The following SDK1 variants were observed in gnomAD, a reference collection of about 807,000 sequenced individuals.
The protein encoded by SDK1 is sidekick cell adhesion molecule 1.
A neutral mutation model predicts 245.5 loss-of-function variants in SDK1; 157 were observed. The ratio of observed to expected loss-of-function variants is 0.64; its 90% CI spans 0.56 to 0.73. The LOEUF (loss-of-function observed/expected upper bound fraction) is 0.73, where lower values mean the gene tolerates loss of function less well. Among genes scored for constraint, SDK1 ranks in the 30% least tolerant of loss-of-function variants. The pLI is 0.00. For synonymous variants in SDK1, 1,647 were observed against 1,278.5 expected (o/e 1.29, Z -6.15); for missense variants, 3,583 against 3,002.3 (o/e 1.19, Z -4.52).
chr7:4,059,582 A>G (rs1343647740), intron 19 of SDK1, among the ~76,000 whole-genome samples: 1 of 152,220 alleles, frequency 6.6e-6, no homozygotes, highest in Non-Finnish European at 1.5e-5. Flanking sequence ...TGCGCTTTAG[A>G]CTAAATGGAC....
intron 1 of SDK1, among the ~76,000 whole-genome samples, chr7:3,558,484 A>G (rs1779655939): frequency 6.6e-6 from 1 of 152,230 alleles, no homozygotes; most frequent in South Asian, 2.1e-4. Flanking sequence ...GATTAGAATT[A>G]GCCTGGCTTG....
At chr7:3,764,048 G>T (rs1780181145) in intron 4 of SDK1, among the ~76,000 whole-genome samples, 1 of 152,162 alleles carries the variant, frequency 6.6e-6, no homozygotes, top group South Asian at 2.1e-4. Context: ...ATGGGGATTT[G>T]TGGATGGTCT....
At chr7:3,802,716 C>T (rs969189888) in intron 4 of SDK1, among the ~76,000 whole-genome samples, 1 of 152,122 alleles carries the variant, frequency 6.6e-6, no homozygotes, top group South Asian at 2.1e-4. Flanking sequence ...CATTAGGTGA[C>T]CTTTTGGGAT....
chr7:3,977,801 T>G (rs1417963343), intron 13 of SDK1, among the ~76,000 whole-genome samples: 1 of 152,250 alleles, frequency 6.6e-6, no homozygotes, highest in Non-Finnish European at 1.5e-5. Flanking sequence ...GAGTGCCTGA[T>G]GTAGTATTTG....
intron 5 of SDK1, among the ~76,000 whole-genome samples, chr7:3,902,524 C>T (rs1156401643): frequency 2.6e-5 from 4 of 152,092 alleles, no homozygotes; most frequent in Admixed American, 2.6e-4. Flanking sequence ...TCTAAACTTT[C>T]TTGCCTTAAT....
At chr7:4,233,215 A>C (rs1785909352) in intron 40 of SDK1, 40 bp from the exon 41 acceptor site, 1 of 1,585,276 alleles carries the variant, frequency 6.3e-7, no homozygotes, top group East Asian at 2.3e-5. Flanking sequence ...GGGACTTCGC[A>C]CTTCTAACCT....
intron 1 of SDK1, among the ~76,000 whole-genome samples, chr7:3,344,036 A>AC (rs1780427761): frequency 1.3e-5 from 2 of 149,916 alleles, no homozygotes; most frequent in African/African-American, 5.0e-5. Context: ...AAAAAAAAAA[A>AC]CTAGAAATGC....
At chr7:4,085,060 C>A (rs904453709) in intron 22 of SDK1, among the ~76,000 whole-genome samples, 4 of 152,126 alleles carry the variant, frequency 2.6e-5, no homozygotes, top group African/African-American at 7.2e-5. Flanking sequence ...CCACTGCGCC[C>A]AGCCTAAATG....
chr7:4,194,352 A>ACATATATGTATACATGTATATATATG (rs1783438540), intron 35 of SDK1, among the ~76,000 whole-genome samples: 1 of 123,390 alleles, frequency 8.1e-6, no homozygotes, highest in East Asian at 2.1e-4. Flanking sequence ...GTATAGATAT[A>ACATATATGTATACATGTATATATATG]TGTATGCACG....
intron 1 of SDK1, among the ~76,000 whole-genome samples, chr7:3,506,197 G>T (rs1443483401): frequency 6.6e-6 from 1 of 151,736 alleles, no homozygotes. Flanking sequence ...GATTTTGTTT[G>T]CTTGAAAAAA....
At chr7:3,952,650 A>C (rs927352302) in intron 7 of SDK1, among the ~76,000 whole-genome samples, 3 of 152,030 alleles carry the variant, frequency 2.0e-5, no homozygotes, top group African/African-American at 7.2e-5. Context: ...TTTTTGACCT[A>C]GCAGAAAATG....
intron 24 of SDK1, 84 bp downstream of exon 24, chr7:4,113,523 C>G: frequency 6.8e-7 from 1 of 1,469,084 alleles, no homozygotes. Context: ...TTAGGAGTTT[C>G]TTAGTCACGC....
At chr7:4,013,934 C>G (rs1397308936) in intron 16 of SDK1, among the ~76,000 whole-genome samples, 7 of 152,240 alleles carry the variant, frequency 4.6e-5, no homozygotes, top group Admixed American at 4.6e-4. Flanking sequence ...TGGGACAGTT[C>G]CTAATTGCCT....
intron 5 of SDK1, among the ~76,000 whole-genome samples, chr7:3,915,939 A>C (rs968052827): frequency 6.6e-6 from 1 of 152,192 alleles, no homozygotes; most frequent in African/African-American, 2.4e-5. Flanking sequence ...AGGAGATGTT[A>C]ATCTCTGAAA....
intron 16 of SDK1, among the ~76,000 whole-genome samples, chr7:4,016,691 T>C (rs1005345247): frequency 6.6e-6 from 1 of 152,188 alleles, no homozygotes; most frequent in African/African-American, 2.4e-5. Context: ...AGCCGCTGAT[T>C]CTTGTTCTGG....
At chr7:4,247,880 C>T (rs1786998929) in intron 44 of SDK1, among the ~76,000 whole-genome samples, 2 of 152,280 alleles carry the variant, frequency 1.3e-5, no homozygotes, top group South Asian at 4.1e-4. Context: ...TGTACCCCTT[C>T]CCTCCCCATT....
intron 1 of SDK1, among the ~76,000 whole-genome samples, chr7:3,555,339 C>T (rs983884183): frequency 1.3e-5 from 2 of 152,128 alleles, no homozygotes; most frequent in Non-Finnish European, 2.9e-5. Context: ...GGAAAGGACA[C>T]TCTTTTCAGT....
chr7:4,266,303 G>T lies in SDK1; in HGVS notation c.*919G>T. 1.0e-6 allele frequency: 1 copy of T among 985,390 alleles called. No individual in the cohort carries two copies. Among genetic ancestry groups the T allele is most frequent in the African/African-American group, 1.7e-5 (1 of 57,354 alleles). The allele number at this position is 985,390 out of a possible 1,614,324, so 61.0% of individuals were successfully genotyped here. A position where few individuals can be genotyped will look rare whatever the true frequency, so the allele number is the denominator to read the frequency against. The stretch of plus-strand genomic sequence containing the variant: ...AAACTATGTCACATGAAATGAATGC[G>T]TCTTTGCTGTCTCCAGGTGCCTTTT... On this transcript the variant is annotated 3_prime_UTR_variant, in exon 45 of 45. Coordinates refer to ENST00000404826, the MANE Select transcript of SDK1 (RefSeq NM_152744.4).
chr7:3,750,784 A>C (rs1458146620), intron 4 of SDK1, among the ~76,000 whole-genome samples: 2 of 152,230 alleles, frequency 1.3e-5, no homozygotes, highest in African/African-American at 4.8e-5. Context: ...AATACTAGTG[A>C]AATAAATGAA....
Sources: allele counts gnomAD v4.1 joint callset (sites outside exome capture counted in the v4.1 genomes callset), GRCh38; gene constraint gnomAD v4.1.1; transcripts MANE v1.5; gene names NCBI Gene and HGNC (gene_info 2026-07-23, HGNC 2026-07-21).